The following EIF2B5 variants were observed in gnomAD, a reference collection of about 807,000 sequenced individuals.
The protein encoded by EIF2B5 is translation initiation factor eIF2B subunit epsilon.
A neutral mutation model predicts 87.3 loss-of-function variants in EIF2B5; 38 were observed. That is an observed-to-expected ratio of 0.44 (90% CI 0.34 to 0.57). EIF2B5 has a LOEUF of 0.57. Ranked by LOEUF, EIF2B5 falls within the 20% of genes least tolerant of loss-of-function variation. The pLI is 0.02. For synonymous variants in EIF2B5, 313 were observed against 339.6 expected, an observed-to-expected ratio of 0.92 and a Z score of 0.86; for missense variants, 784 against 909.5, an observed-to-expected ratio of 0.86 and a Z score of 1.78.
rs1577034970 is a variant in EIF2B5, at chr3:184,142,961, T to G, written c.1654+75T>G. On this transcript the variant is annotated intron_variant, in intron 11 of 15. Transcript: ENST00000648915. This position sits in a 1 kb window ranked among gnomAD's most constrained non-coding sequence, Gnocchi z 5.0. ...TCAACTAGCCAGAGGCTTACGTTCC[T>G]CAGAAAGGGTTTGGTATCGAGTCAA... 3 of 1,573,526 alleles carry G rather than the reference T, an allele frequency of 1.9e-6. No individual in the cohort carries two copies. In the East Asian group the frequency reaches 6.7e-5, roughly 35 times the overall value.
intron 5 of EIF2B5, among the ~76,000 whole-genome samples, chr3:184,138,534 T>C (rs1713467453): frequency 6.6e-6 from 1 of 151,378 alleles, no homozygotes. Context: ...TTTGTATTTT[T>C]AGTAGAGATG....
chr3:184,136,395 A>G (rs1247801727), intron 1 of EIF2B5, among the ~76,000 whole-genome samples: 1 of 152,258 alleles, frequency 6.6e-6, no homozygotes, highest in Non-Finnish European at 1.5e-5. Context: ...TACAAGGCAC[A>G]TAGATTCTGT....
Position 184,135,577 on chromosome 3 carries a change from T to G in EIF2B5, c.192T>G (p.Pro64=). Residue 64 remains proline, a synonymous_variant, in exon 1 of 16, where the codon CCT becomes CCG. Coordinates refer to ENST00000648915, the MANE Select transcript of EIF2B5 (RefSeq NM_003907.3). ...RRFFPISKDQ[P]RVLLPLANVA... is the part of the protein sequence containing the mutation. ...TCTTCCCCATCTCCAAGGACCAGCC[T>G]CGGGTGAGCGCCGCGCACGCGAGCA... is the stretch of plus-strand genomic sequence containing the variant. The G allele has an allele frequency of 6.3e-7, 1 of 1,585,030 alleles. No homozygotes were observed. The highest frequency in any genetic ancestry group is 8.6e-7 in the Non-Finnish European group (1 of 1,167,168).
intron 12 of EIF2B5, 73 bp downstream of exon 12, chr3:184,143,215 C>A: frequency 6.5e-7 from 1 of 1,547,372 alleles, no homozygotes; most frequent in South Asian, 1.2e-5. Context: ...AGTGTTTTGT[C>A]TCCAAATAGG....
chr3:184,140,336 T>C, intron 6 of EIF2B5, 82 bp from the exon 7 acceptor site: 1 of 1,525,536 alleles, frequency 6.6e-7, no homozygotes, highest in Non-Finnish European at 9.1e-7. Flanking sequence ...AGAGGGGAAC[T>C]TAAAAGGATT....
chr3:184,143,021 G>T (rs1236855176), intron 11 of EIF2B5, 31 bp from the exon 12 acceptor site: 1 of 1,605,224 alleles, frequency 6.2e-7, no homozygotes, highest in East Asian at 2.2e-5. Context: ...AATGATGTTG[G>T]CCCATGAACT....
chr3:184,135,589 C>G lies in EIF2B5; in HGVS notation c.195+9C>G. The G allele has an allele frequency of 1.9e-6, 3 of 1,579,670 alleles. No individual in the cohort carries two copies. The highest frequency in any genetic ancestry group is 2.6e-6 in the Non-Finnish European group (3 of 1,164,204). On this transcript the variant is annotated intron_variant, in intron 1 of 15. Transcript: ENST00000648915. The stretch of plus-strand genomic sequence containing the variant: ...CCAAGGACCAGCCTCGGGTGAGCGC[C>G]GCGCACGCGAGCAGCCAGAGGGCAG...
chr3:184,141,807 T>G, intron 7 of EIF2B5, 118 bp from the exon 8 acceptor site: 2 of 1,319,566 alleles, frequency 1.5e-6, no homozygotes, highest in Non-Finnish European at 2.2e-6. Context: ...ACTTGCGGGA[T>G]GGGGAATGAG....
chr3:184,140,464 G>C lies in EIF2B5; in HGVS notation c.890G>C (p.Gly297Ala). 6.2e-7 allele frequency: 1 copy of C among 1,614,052 alleles called. No homozygotes were observed. ...IHMHVTAKEY[G>A]ARVSNLHMYS... ...ATGCACGTAACAGCTAAGGAATATG[G>C]TGCCCGTGTCTCCAACCTACACATG... is the stretch of plus-strand genomic sequence containing the variant. The change falls in exon 7 of 16, where the codon GGT becomes GCT. Residue 297 changes from glycine (G) to alanine (A), a missense_variant. Physicochemically the swap from Gly to Ala is moderately conservative, Grantham distance 60. This residue lies in a region of EIF2B5 where 660 missense variants were observed against 789.5 expected (regional missense o/e 0.84). Coordinates refer to ENST00000648915, the MANE Select transcript of EIF2B5 (RefSeq NM_003907.3).
chr3:184,143,727 CAGATTGAGTT>C, intron 13 of EIF2B5, 162 bp downstream of exon 13: 1 of 1,050,240 alleles, frequency 9.5e-7, no homozygotes, highest in Non-Finnish European at 1.4e-6. Flanking sequence ...TCAGAGGGGT[CAGATTGAGTT>C]CAATACTGAC....
chr3:184,135,720 C>G, intron 1 of EIF2B5, 140 bp downstream of exon 1: 2 of 1,209,370 alleles, frequency 1.7e-6, no homozygotes, highest in Non-Finnish European at 2.3e-6. Flanking sequence ...TGCAGAGGGA[C>G]TGTCTAAACC....
chr3:184,142,383 G>A lies in EIF2B5; in HGVS notation c.1444+5G>A. On this transcript the variant is annotated splice_donor_5th_base_variant and intron_variant, in intron 9 of 15. Coordinates refer to ENST00000648915, the MANE Select transcript of EIF2B5 (RefSeq NM_003907.3). This position sits in a 1 kb window ranked among gnomAD's most constrained non-coding sequence, Gnocchi z 5.0. ...AGGACAAAGTGAAGATGAAAGGTGT[G>A]AGACTCAACAGGTGTGGGGCATCTG... is the stretch of plus-strand genomic sequence containing the variant. 1 of 1,614,188 alleles carries A rather than the reference G, an allele frequency of 6.2e-7. No individual in the cohort carries two copies. Among genetic ancestry groups the A allele is most frequent in the Non-Finnish European group, 8.5e-7 (1 of 1,180,038 alleles).
At chr3:184,143,703 C>T in intron 13 of EIF2B5, 138 bp downstream of exon 13, 2 of 1,352,744 alleles carry the variant, frequency 1.5e-6, no homozygotes, top group Admixed American at 1.9e-5. Flanking sequence ...GGCTCTAGAG[C>T]AGCCTTGGCT....
rs191351706 is a variant in EIF2B5, at chr3:184,142,242, C to T, written c.1308C>T (p.Val436=). 1.4e-5 allele frequency: 22 copies of T among 1,613,988 alleles called. No homozygotes were observed. The highest frequency in any genetic ancestry group is 7.7e-5 in the South Asian group (7 of 91,052). ...KPRSVLTSQV[V]VGPNITLPEG... ...TGTGTTTTTTTTCCCCTTAGGTGGTCGTGGGCCCAAATATCACGCTGCCTG... is the reference window on the plus strand; with the variant it reads ...TGTGTTTTTTTTCCCCTTAGGTGGTTGTGGGCCCAAATATCACGCTGCCTG... The change falls in exon 9 of 16, where the codon GTC becomes GTT. Residue 436 remains valine, a synonymous_variant. Transcript: ENST00000648915. This position sits in a 1 kb window ranked among gnomAD's most constrained non-coding sequence, Gnocchi z 5.0.
chr3:184,140,881 G>A, intron 7 of EIF2B5, 151 bp downstream of exon 7: 1 of 888,110 alleles, frequency 1.1e-6, no homozygotes, highest in Non-Finnish European at 1.8e-6. Flanking sequence ...AGGAAACAGG[G>A]ATTTGAAAAC....
chr3:184,135,671 T>C, intron 1 of EIF2B5, 91 bp downstream of exon 1: 1 of 1,486,242 alleles, frequency 6.7e-7, no homozygotes, highest in Non-Finnish European at 9.2e-7. Context: ...CAGCATGCCC[T>C]TGAAGGACCT....
At position 184,136,676 on chromosome 3, in the gene EIF2B5, G is replaced by A. The variant is rs1421455868; in HGVS notation, c.260G>A (p.Gly87Asp). Residue 87 changes from glycine to aspartate, a missense_variant, in exon 2 of 16, where the codon GGT (glycine) becomes GAT (aspartate). Physicochemically the swap from Gly to Asp is moderately conservative, Grantham distance 94. Transcript: ENST00000648915. ...DYTLEFLTAT[G>D]VQETFVFCCW... is the part of the protein sequence containing the mutation. ...ACTCTGGAATTCCTGACTGCCACAG[G>A]TGTACAGGAAACATTTGTCTTTTGT... 3 of 1,614,216 alleles carry A rather than the reference G, an allele frequency of 1.9e-6. No homozygotes were observed. The highest frequency in any genetic ancestry group is 3.3e-5 in the Admixed American group (2 of 60,024).
intron 5 of EIF2B5, 59 bp from the exon 6 acceptor site, chr3:184,140,021 C>CAAA (rs112477801): frequency 1.1e-4 from 132 of 1,192,436 alleles, no homozygotes; most frequent in Middle Eastern, 2.7e-4. Flanking sequence ...AGACTTGTCT[C>CAAA]AAAAAAAAAA....
Position 184,137,390 on chromosome 3 carries a change from T to C in EIF2B5, c.321-230T>C, listed in dbSNP as rs188738572. ...GATGTTTAGGGACAAGGGGTCAAGG[T>C]ATGGAGAGGAAATAACCATGTTTCC... is the stretch of plus-strand genomic sequence containing the variant. On this transcript the variant is annotated intron_variant, in intron 2 of 15. Transcript: ENST00000648915. The C allele has an allele frequency of 1.6e-4, 97 of 592,206 alleles. No individual in the cohort carries two copies. The East Asian group carries it at 2.6e-3, about 16-fold the overall frequency. The allele number at this position is 592,206 out of a possible 1,614,324, so 36.7% of individuals were successfully genotyped here.
Sources: gnomAD v4.1 joint callset for allele counts (sites outside exome capture counted in the v4.1 genomes callset) on GRCh38, gnomAD v4.1.1 for gene constraint, gnomAD v4.1.1 regional missense constraint, Gnocchi (gnomAD v3.1) non-coding constraint, MANE v1.5 for transcripts, NCBI Gene and HGNC (gene_info 2026-07-23, HGNC 2026-07-21) for gene names.